Variants in CTNNA3 observed in about 807,000 individuals in gnomAD.
CTNNA3 encodes the protein catenin alpha-3.
Under a neutral mutation model 95.7 loss-of-function variants are expected in CTNNA3, and 76 were observed. The observed-to-expected ratio is 0.79, with a 90% CI of 0.66 to 0.96. The LOEUF (loss-of-function observed/expected upper bound fraction) is 0.96, where lower values mean the gene tolerates loss of function less well. Among genes scored for constraint, CTNNA3 ranks in the 40% least tolerant of loss-of-function variants. CTNNA3 has a pLI of 0.00. For synonymous variants in CTNNA3, 431 were observed against 374.4 expected (o/e 1.15, Z -1.74); for missense variants, 1,191 against 1,089.8 (o/e 1.09, Z -1.31).
chr10:65,926,766 C>G (rs1003731687), intron 17 of CTNNA3, among the ~76,000 whole-genome samples: 1 of 152,012 alleles, frequency 6.6e-6, no homozygotes, highest in African/African-American at 2.4e-5. Flanking sequence ...TTGAGTCTTC[C>G]AATTGTCACA....
chr10:66,598,838 A>G (rs1843816419), intron 10 of CTNNA3, among the ~76,000 whole-genome samples: 1 of 152,020 alleles, frequency 6.6e-6, no homozygotes, highest in South Asian at 2.1e-4. Flanking sequence ...TGATCTATAA[A>G]TTCACTGCAA....
chr10:66,067,757 A>G (rs1460107861), intron 15 of CTNNA3, among the ~76,000 whole-genome samples: 2 of 152,006 alleles, frequency 1.3e-5, no homozygotes, highest in Non-Finnish European at 2.9e-5. Flanking sequence ...CTCTACTAAA[A>G]ATACAAAAAT....
intron 16 of CTNNA3, among the ~76,000 whole-genome samples, chr10:65,979,929 C>T (rs1415821384): frequency 6.6e-6 from 1 of 151,882 alleles, no homozygotes; most frequent in Non-Finnish European, 1.5e-5. Flanking sequence ...CTAATCTAGG[C>T]ATCAACATTT....
intron 5 of CTNNA3, among the ~76,000 whole-genome samples, chr10:67,412,315 A>G (rs1369735143): frequency 6.6e-6 from 1 of 152,170 alleles, no homozygotes; most frequent in East Asian, 1.9e-4. Flanking sequence ...TTTTAATAAA[A>G]TTCAACAAAA....
At chr10:66,743,256 T>C (rs751543056) in intron 9 of CTNNA3, among the ~76,000 whole-genome samples, 13 of 152,166 alleles carry the variant, frequency 8.5e-5, no homozygotes, top group Non-Finnish European at 1.8e-4. Context: ...ACAGGCATCA[T>C]TGTATCCATG....
chr10:66,537,036 AAC>A (rs1841683914), intron 10 of CTNNA3, among the ~76,000 whole-genome samples: 1 of 150,982 alleles, frequency 6.6e-6, no homozygotes, highest in Admixed American at 6.6e-5. Flanking sequence ...TTTTCTGTCA[AAC>A]ACAGTTTTTA....
intron 10 of CTNNA3, among the ~76,000 whole-genome samples, chr10:66,564,429 C>A (rs750573743): frequency 6.6e-6 from 1 of 152,092 alleles, no homozygotes; most frequent in Non-Finnish European, 1.5e-5. Context: ...CTCATGGGCC[C>A]GCTTCATCCA....
chr10:67,360,863 C>A (rs758576200), intron 5 of CTNNA3, among the ~76,000 whole-genome samples: 7 of 152,122 alleles, frequency 4.6e-5, no homozygotes, highest in Non-Finnish European at 8.8e-5. Context: ...CCAGGCCACA[C>A]CTCCAACACT....
chr10:67,308,710 A>C (rs1272714041), intron 5 of CTNNA3, among the ~76,000 whole-genome samples: 1 of 152,216 alleles, frequency 6.6e-6, no homozygotes, highest in Non-Finnish European at 1.5e-5. Context: ...CTAGGATTCA[A>C]TCAAACTATT....
intron 3 of CTNNA3, among the ~76,000 whole-genome samples, chr10:67,544,386 G>T (rs1840775763): frequency 6.6e-6 from 1 of 152,072 alleles, no homozygotes; most frequent in African/African-American, 2.4e-5. Context: ...GATAGCCCCA[G>T]CTTACCACCA....
intron 7 of CTNNA3, among the ~76,000 whole-genome samples, chr10:66,992,808 T>C (rs1197643650): frequency 2.0e-5 from 3 of 152,154 alleles, no homozygotes; most frequent in Non-Finnish European, 1.5e-5. Context: ...CACTAGTTCT[T>C]CCTTCTTCTC....
chr10:67,249,730 G>A (rs1477627250), intron 5 of CTNNA3, among the ~76,000 whole-genome samples: 1 of 152,156 alleles, frequency 6.6e-6, no homozygotes, highest in Non-Finnish European at 1.5e-5. Flanking sequence ...GCAGCTCCAG[G>A]TGCAAGGCAG....
chr10:67,221,379 CTT>C (rs1280719831), intron 5 of CTNNA3, among the ~76,000 whole-genome samples: 1 of 152,090 alleles, frequency 6.6e-6, no homozygotes, highest in Non-Finnish European at 1.5e-5. Flanking sequence ...TTCATATAAT[CTT>C]TATAAAAACT....
intron 7 of CTNNA3, among the ~76,000 whole-genome samples, chr10:67,021,728 TTAAGA>T (rs1164395977): frequency 2.0e-5 from 3 of 152,186 alleles, no homozygotes; most frequent in East Asian, 3.8e-4. Context: ...AAATTTCCTC[TTAAGA>T]TTTCTGGACT....
chr10:66,542,124 AG>A (rs1438253322), intron 10 of CTNNA3, among the ~76,000 whole-genome samples: 1 of 152,202 alleles, frequency 6.6e-6, no homozygotes, highest in African/African-American at 2.4e-5. Context: ...TGCAGCCAAA[AG>A]ACACATGAAA....
At chr10:66,130,849 C>A (rs1463834527) in intron 13 of CTNNA3, among the ~76,000 whole-genome samples, 2 of 144,980 alleles carry the variant, frequency 1.4e-5, no homozygotes, top group Admixed American at 6.9e-5. Context: ...AGCAAGACTC[C>A]GTCTCAAAAA....
At chr10:66,133,313 G>A (rs1305387517) in intron 13 of CTNNA3, among the ~76,000 whole-genome samples, 1 of 151,980 alleles carries the variant, frequency 6.6e-6, no homozygotes, top group African/African-American at 2.4e-5. Context: ...TCAGGAGTTC[G>A]AAACCAGCCT....
chr10:65,940,520 G>A (rs577213268), intron 17 of CTNNA3, among the ~76,000 whole-genome samples: 73 of 152,240 alleles, frequency 4.8e-4, no homozygotes, highest in African/African-American at 1.7e-3. Flanking sequence ...ATATCACTGA[G>A]CAGAGACTAG....
chr10:65,990,818 T>G (rs141763060), intron 15 of CTNNA3, among the ~76,000 whole-genome samples: 6 of 152,214 alleles, frequency 3.9e-5, no homozygotes, highest in African/African-American at 1.2e-4. Context: ...TTTGAAGTCT[T>G]AGCCATAAAA....
Sources: allele counts gnomAD v4.1 joint callset (sites outside exome capture counted in the v4.1 genomes callset), GRCh38; gene constraint gnomAD v4.1.1; transcripts MANE v1.5; gene names NCBI Gene and HGNC (gene_info 2026-07-23, HGNC 2026-07-21).